The following ZNF503 variants were observed in gnomAD, a reference collection of about 807,000 sequenced individuals.
ZNF503 encodes the protein zinc finger protein 503.
In ZNF503, 15 loss-of-function variants were observed where a neutral mutation model predicts 34.4. The observed-to-expected ratio is 0.44, with a 90% CI of 0.29 to 0.67. The LOEUF (loss-of-function observed/expected upper bound fraction) is 0.67. Among genes scored for constraint, ZNF503 ranks in the 30% least tolerant of loss-of-function variants. ZNF503 has a pLI of 0.13. For missense variants in ZNF503, 1,007 were observed against 926.8 expected (o/e 1.09, Z -1.12); for synonymous variants, 580 against 456.8 (o/e 1.27, Z -3.44).
At chr10:75,285,160 T>C in the ZNF503 span, among the ~76,000 whole-genome samples, 3 of 152,282 alleles carry the variant, frequency 2.0e-5, no homozygotes, top group Non-Finnish European at 4.4e-5. Flanking sequence ...TGCCAGGCAC[T>C]GTGCTGCAAG....
chr10:75,360,299 AT>A, the ZNF503 span, among the ~76,000 whole-genome samples: 2 of 149,328 alleles, frequency 1.3e-5, no homozygotes, highest in African/African-American at 2.5e-5. Context: ...GTTTTTTTGT[AT>A]TTTTTTTAGT....
chr10:75,396,534 C>A (rs1843699225), downstream of ZNF503, among the ~76,000 whole-genome samples: 1 of 152,186 alleles, frequency 6.6e-6, no homozygotes, highest in Non-Finnish European at 1.5e-5. The surrounding 1 kb of genome is among the most constrained non-coding windows in gnomAD (Gnocchi z 4.4). Flanking sequence ...AATCCCGGTG[C>A]AAATGGCGGC....
chr10:75,350,951 G>A, the ZNF503 span, among the ~76,000 whole-genome samples: 1 of 150,998 alleles, frequency 6.6e-6, no homozygotes, highest in Non-Finnish European at 1.5e-5. Flanking sequence ...TGCCACATGG[G>A]GCTACTTCAT....
the ZNF503 span, among the ~76,000 whole-genome samples, chr10:75,340,941 G>C: frequency 6.6e-6 from 1 of 152,142 alleles, no homozygotes; most frequent in South Asian, 2.1e-4. Context: ...AATATTTTAC[G>C]TGAAAAGAGC....
chr10:75,394,935 G>C (rs190504380), downstream of ZNF503, among the ~76,000 whole-genome samples: 6 of 152,310 alleles, frequency 3.9e-5, no homozygotes, highest in Non-Finnish European at 1.5e-5. Context: ...CAGGGTCGCT[G>C]TGTCACCACC....
chr10:75,370,508 T>C, the ZNF503 span, among the ~76,000 whole-genome samples: 1 of 152,026 alleles, frequency 6.6e-6, no homozygotes, highest in Non-Finnish European at 1.5e-5. Flanking sequence ...CAGCCGGGCA[T>C]GGTGGCTCAT....
chr10:75,311,187 A>G, the ZNF503 span, among the ~76,000 whole-genome samples: 1 of 152,352 alleles, frequency 6.6e-6, no homozygotes, highest in East Asian at 1.9e-4. Flanking sequence ...GGCAGGAAGC[A>G]TCCAACATGG....
At chr10:75,323,774 G>T in the ZNF503 span, among the ~76,000 whole-genome samples, 1 of 152,040 alleles carries the variant, frequency 6.6e-6, no homozygotes, top group Non-Finnish European at 1.5e-5. Context: ...GCCAAGGCGG[G>T]CAGATCACCA....
At chr10:75,390,144 G>A in the ZNF503 span, among the ~76,000 whole-genome samples, 1 of 150,836 alleles carries the variant, frequency 6.6e-6, no homozygotes, top group Non-Finnish European at 1.5e-5. Context: ...TGATCCGCCT[G>A]CCTCAGCCTC....
At chr10:75,337,963 A>G in the ZNF503 span, among the ~76,000 whole-genome samples, 5 of 152,352 alleles carry the variant, frequency 3.3e-5, no homozygotes, top group African/African-American at 4.8e-5. Context: ...AATAAGACCC[A>G]GCATCTGCCC....
the ZNF503 span, among the ~76,000 whole-genome samples, chr10:75,350,996 A>G: frequency 6.6e-6 from 1 of 152,194 alleles, no homozygotes; most frequent in East Asian, 1.9e-4. Context: ...AGCATTCTAC[A>G]TATTCCACAG....
chr10:75,345,021 G>A, the ZNF503 span, among the ~76,000 whole-genome samples: 12 of 152,222 alleles, frequency 7.9e-5, no homozygotes, highest in African/African-American at 2.9e-4. Context: ...TATCAGTGAT[G>A]TTAAACTCTA....
the ZNF503 span, among the ~76,000 whole-genome samples, chr10:75,299,578 C>T: frequency 5.9e-5 from 9 of 152,054 alleles, no homozygotes; most frequent in African/African-American, 7.2e-5. Flanking sequence ...CTCTAATTAT[C>T]GGGGGAAATT....
the ZNF503 span, among the ~76,000 whole-genome samples, chr10:75,333,235 G>GC: frequency 1.2e-5 from 1 of 84,380 alleles, no homozygotes; most frequent in African/African-American, 5.0e-5. Flanking sequence ...CAGGGGGGCT[G>GC]ACCCCCCCCA....
chr10:75,401,400 A>G lies in ZNF503; in HGVS notation c.20T>C (p.Leu7Pro). The G allele has an allele frequency of 6.5e-7, 1 of 1,538,784 alleles. No individual in the cohort carries two copies. Among genetic ancestry groups the G allele is most frequent in the Non-Finnish European group, 8.7e-7 (1 of 1,146,408 alleles). The change falls in exon 1 of 2, where the codon CTT becomes CCT. Residue 7 changes from leucine (L) to proline (P), a missense_variant. Leu to Pro is a moderately conservative substitution (Grantham distance 98). Coordinates refer to ENST00000372524, the MANE Select transcript of ZNF503 (RefSeq NM_032772.6). ...GTGCTTACTGCTTCTTAGGGCAGAA[A>G]GCGAGGGCGCTGTGCTCATGACCCA... is the stretch of plus-strand genomic sequence containing the variant. MSTAPS[L>P]SALRSSKHSG...
chr10:75,372,055 C>T, the ZNF503 span, among the ~76,000 whole-genome samples: 13 of 152,320 alleles, frequency 8.5e-5, no homozygotes, highest in East Asian at 3.9e-4. Context: ...CTCAGCCTCA[C>T]GAGTAGCTGG....
the ZNF503 span, among the ~76,000 whole-genome samples, chr10:75,335,771 G>GAC: frequency 1.4e-3 from 213 of 152,242 alleles, 1 homozygote; most frequent in South Asian, 0.044. Context: ...TGTGGGTGGG[G>GAC]ACACAGGCAT....
chr10:75,303,374 G>A, the ZNF503 span, among the ~76,000 whole-genome samples: 1 of 152,228 alleles, frequency 6.6e-6, no homozygotes, highest in South Asian at 2.1e-4. Flanking sequence ...TAGTTGGAAA[G>A]TGGTTCTGGG....
chr10:75,316,139 C>T, the ZNF503 span, among the ~76,000 whole-genome samples: 2 of 152,022 alleles, frequency 1.3e-5, no homozygotes, highest in African/African-American at 4.8e-5. Context: ...ACTTCAATGC[C>T]CCACTTTCAA....
Sources: gnomAD v4.1 joint callset for allele counts (sites outside exome capture counted in the v4.1 genomes callset) on GRCh38, gnomAD v4.1.1 for gene constraint, Gnocchi (gnomAD v3.1) non-coding constraint, MANE v1.5 for transcripts, NCBI Gene and HGNC (gene_info 2026-07-23, HGNC 2026-07-21) for gene names.